The following RNF38 variants were observed in gnomAD, a reference collection of about 807,000 sequenced individuals.
The protein encoded by RNF38 is E3 ubiquitin-protein ligase RNF38.
Under a neutral mutation model 67.2 loss-of-function variants are expected in RNF38, and 15 were observed. That is an observed-to-expected ratio of 0.22 (90% CI 0.15 to 0.34). The LOEUF (loss-of-function observed/expected upper bound fraction) is 0.34, where lower values mean the gene tolerates loss of function less well. Among genes scored for constraint, RNF38 ranks in the 10% least tolerant of loss-of-function variants. The probability of loss-of-function intolerance (pLI) is 1.00; values close to 1 mark genes in which losing one functional copy is unlikely to be tolerated. For synonymous variants in RNF38, 220 were observed against 218.8 expected (o/e 1.01, Z -0.05); for missense variants, 524 against 639.9 (o/e 0.82, Z 1.95).
intron 1 of RNF38, among the ~76,000 whole-genome samples, chr9:36,434,036 G>C (rs1007087958): frequency 6.6e-6 from 1 of 151,674 alleles, no homozygotes; most frequent in Non-Finnish European, 1.5e-5. Flanking sequence ...AGGAGATGGA[G>C]ACCATCCTAG....
At chr9:36,381,088 G>T (rs945654580) in intron 2 of RNF38, among the ~76,000 whole-genome samples, 2 of 152,280 alleles carry the variant, frequency 1.3e-5, no homozygotes, top group East Asian at 1.9e-4. Flanking sequence ...TCTCCCGTGA[G>T]AATTCAAACT....
At chr9:36,442,065 T>G (rs1839204382) in intron 1 of RNF38, among the ~76,000 whole-genome samples, 1 of 152,134 alleles carries the variant, frequency 6.6e-6, no homozygotes, top group Non-Finnish European at 1.5e-5. Context: ...TTCCTCCTAC[T>G]TATAAGGGGG....
intron 10 of RNF38, among the ~76,000 whole-genome samples, chr9:36,343,659 A>G (rs1229189810): frequency 6.6e-6 from 1 of 152,214 alleles, no homozygotes; most frequent in African/African-American, 2.4e-5. Flanking sequence ...CCAAAGTGGA[A>G]ACCCAAATGT....
chr9:36,355,137 A>T (rs914468641), intron 6 of RNF38, among the ~76,000 whole-genome samples: 1 of 152,222 alleles, frequency 6.6e-6, no homozygotes, highest in Non-Finnish European at 1.5e-5. Context: ...AACTTGCGTC[A>T]TAATTGCTTC....
chr9:36,421,869 G>T (rs1242043296), intron 2 of RNF38, among the ~76,000 whole-genome samples: 2 of 152,034 alleles, frequency 1.3e-5, no homozygotes, highest in African/African-American at 4.8e-5. Context: ...TGTATATGTA[G>T]CGATCTGATT....
At chr9:36,481,488 C>T (rs1840269570) in intron 1 of RNF38, among the ~76,000 whole-genome samples, 3 of 152,150 alleles carry the variant, frequency 2.0e-5, no homozygotes, top group Non-Finnish European at 4.4e-5. Flanking sequence ...GTAAGGCCTG[C>T]AGGTAAGAAT....
At chr9:36,385,058 C>A (rs1207157717) in intron 2 of RNF38, among the ~76,000 whole-genome samples, 2 of 151,946 alleles carry the variant, frequency 1.3e-5, no homozygotes, top group Non-Finnish European at 2.9e-5. Context: ...ATGAATTGTT[C>A]TATGCTATGG....
chr9:36,377,823 T>TACTG (rs1418006578), intron 2 of RNF38, among the ~76,000 whole-genome samples: 1 of 152,250 alleles, frequency 6.6e-6, no homozygotes, highest in African/African-American at 2.4e-5. Context: ...ATAGCTGTTA[T>TACTG]ACTGTATTTT....
intron 1 of RNF38, among the ~76,000 whole-genome samples, chr9:36,443,714 C>T (rs190364382): frequency 6.6e-6 from 1 of 152,124 alleles, no homozygotes; most frequent in African/African-American, 2.4e-5. Context: ...GCAGGCATAA[C>T]CACTGAACTG....
chr9:36,466,863 T>C (rs569458685), intron 1 of RNF38, among the ~76,000 whole-genome samples: 17 of 151,908 alleles, frequency 1.1e-4, no homozygotes, highest in Admixed American at 8.5e-4. Flanking sequence ...CAATAATGTC[T>C]ACTTATAAAA....
At chr9:36,486,029 G>T (rs938174099) in intron 1 of RNF38, among the ~76,000 whole-genome samples, 23 of 152,116 alleles carry the variant, frequency 1.5e-4, no homozygotes, top group Non-Finnish European at 8.8e-5. Context: ...AACTCATCAC[G>T]TTTGGCACCT....
chr9:36,372,644 A>G (rs1243868474), intron 3 of RNF38: 2 of 615,202 alleles, frequency 3.3e-6, no homozygotes, highest in Non-Finnish European at 6.0e-6. Context: ...CACACTGCTG[A>G]AAAAAACACT....
intron 2 of RNF38, among the ~76,000 whole-genome samples, chr9:36,421,118 TTATAAGAAAAATCA>T (rs1456689444): frequency 1.3e-5 from 2 of 152,254 alleles, no homozygotes; most frequent in East Asian, 1.9e-4. Flanking sequence ...GTGAGAAAAC[TTATAAGAAAAATCA>T]TGTAAGAAAA....
intron 1 of RNF38, among the ~76,000 whole-genome samples, chr9:36,443,056 A>G (rs1184895682): frequency 6.6e-6 from 1 of 152,212 alleles, no homozygotes; most frequent in Non-Finnish European, 1.5e-5. Flanking sequence ...AGAGGTGTCC[A>G]TCCCCCAATT....
intron 1 of RNF38, among the ~76,000 whole-genome samples, chr9:36,426,075 C>T (rs1297398419): frequency 6.6e-6 from 1 of 152,114 alleles, no homozygotes; most frequent in African/African-American, 2.4e-5. Flanking sequence ...GTGAGGATCA[C>T]CTGCTTATTT....
At chr9:36,487,540 G>A in exon 1 of RNF38, 1 of 980,958 alleles carries the variant, frequency 1.0e-6, no homozygotes, top group Non-Finnish European at 1.2e-6. Flanking sequence ...CAGCGACCGC[G>A]GCGGCCGCGC....
chr9:36,388,903 T>C (rs1331603675), intron 2 of RNF38, among the ~76,000 whole-genome samples: 1 of 152,082 alleles, frequency 6.6e-6, no homozygotes, highest in African/African-American at 2.4e-5. Flanking sequence ...TCTTTGCATG[T>C]GGTAACTAAG....
chr9:36,480,794 C>A (rs1157930082), intron 1 of RNF38, among the ~76,000 whole-genome samples: 1 of 151,780 alleles, frequency 6.6e-6, no homozygotes, highest in Non-Finnish European at 1.5e-5. Context: ...AAGTTATCCA[C>A]CCGCCTTGGC....
intron 6 of RNF38, among the ~76,000 whole-genome samples, chr9:36,355,563 A>C (rs559025343): frequency 6.6e-6 from 1 of 152,216 alleles, no homozygotes; most frequent in Non-Finnish European, 1.5e-5. Flanking sequence ...CCTTGCCTAA[A>C]TGAATACAAA....
Sources: allele counts gnomAD v4.1 joint callset (sites outside exome capture counted in the v4.1 genomes callset), GRCh38; gene constraint gnomAD v4.1.1; transcripts MANE v1.5; gene names NCBI Gene and HGNC (gene_info 2026-07-23, HGNC 2026-07-21).